SAMD12: variants seen among roughly 807,000 people sequenced by gnomAD.
SAMD12 encodes sterile alpha motif domain containing 12, also known as sterile alpha motif domain-containing protein 12.
SAMD12 carries 9 observed loss-of-function variants against 15.0 expected under a neutral mutation model. The observed-to-expected ratio is 0.60, with a 90% CI of 0.36 to 1.05. The LOEUF is 1.05. Among genes scored for constraint, SAMD12 ranks in the 50% least tolerant of loss-of-function variants. SAMD12 has a pLI of 0.01. For synonymous variants in SAMD12, 86 were observed against 90.1 expected (o/e 0.96, Z 0.25); for missense variants, 230 against 234.2 (o/e 0.98, Z 0.12).
chr8:118,300,063 A>C (rs1586469497), intron 4 of SAMD12, among the ~76,000 whole-genome samples: 1 of 151,874 alleles, frequency 6.6e-6, no homozygotes, highest in Non-Finnish European at 1.5e-5. Context: ...ATAACTGTAC[A>C]TATTTATGGG....
chr8:118,352,627 G>A (rs1818010025), intron 4 of SAMD12, among the ~76,000 whole-genome samples: 1 of 152,152 alleles, frequency 6.6e-6, no homozygotes. Context: ...AGTGGTTGGT[G>A]GGGATCTGAA....
the SAMD12 span, among the ~76,000 whole-genome samples, chr8:118,153,724 G>A: frequency 2.0e-5 from 3 of 152,200 alleles, no homozygotes; most frequent in African/African-American, 4.8e-5. Flanking sequence ...CATGGGTTGA[G>A]GATTACTCTA....
chr8:118,385,577 G>A (rs991809163), intron 3 of SAMD12, among the ~76,000 whole-genome samples: 1 of 152,114 alleles, frequency 6.6e-6, no homozygotes, highest in Non-Finnish European at 1.5e-5. Flanking sequence ...GTATATGTGT[G>A]TATACATATG....
the SAMD12 span, among the ~76,000 whole-genome samples, chr8:118,170,598 A>T: frequency 6.6e-6 from 1 of 152,204 alleles, no homozygotes; most frequent in Non-Finnish European, 1.5e-5. Flanking sequence ...TCTTTTCAAC[A>T]AATGGTGCTG....
intron 2 of SAMD12, among the ~76,000 whole-genome samples, chr8:118,443,894 C>T (rs1300705232): frequency 2.6e-5 from 4 of 152,184 alleles, no homozygotes; most frequent in South Asian, 2.1e-4. Flanking sequence ...TTCACTTCCA[C>T]GTACAATTAG....
rs1819533373 is a variant in SAMD12 at position 118,379,119 on chromosome 8, G to A, written c.*298C>T. On this transcript the variant is annotated 3_prime_UTR_variant, in exon 4 of 4. Coordinates refer to ENST00000314727, the MANE Select transcript of SAMD12 (RefSeq NM_207506.3). ...CAACAAAAACTCCACTTATATCACT[G>A]GTCATCGTAACTATTGAATCACTCA... The A allele has an allele frequency of 3.6e-6, 4 of 1,119,262 alleles. No individual in the cohort carries two copies. The highest frequency in any genetic ancestry group is 4.4e-6 in the Non-Finnish European group (4 of 912,764). 69.3% of individuals were successfully genotyped at this position (1,119,262 alleles called of 1,614,324 possible).
chr8:118,320,671 G>GT (rs1295580332), intron 4 of SAMD12, among the ~76,000 whole-genome samples: 5 of 133,784 alleles, frequency 3.7e-5, no homozygotes, highest in African/African-American at 9.2e-5. Context: ...CTGTCGTGGG[G>GT]TGGGGGGGGT....
intron 4 of SAMD12, among the ~76,000 whole-genome samples, chr8:118,343,197 C>T (rs1817460048): frequency 6.6e-6 from 1 of 152,044 alleles, no homozygotes; most frequent in African/African-American, 2.4e-5. Context: ...CCCCAGTTCT[C>T]CTCTACTCAG....
At chr8:118,447,368 T>C (rs962720740) in intron 2 of SAMD12, among the ~76,000 whole-genome samples, 2 of 152,074 alleles carry the variant, frequency 1.3e-5, no homozygotes, top group Middle Eastern at 3.2e-3. Flanking sequence ...AATGGCGCGA[T>C]TTCAGCTCAC....
At chr8:118,155,209 T>C in the SAMD12 span, among the ~76,000 whole-genome samples, 1 of 152,176 alleles carries the variant, frequency 6.6e-6, no homozygotes, top group Non-Finnish European at 1.5e-5. Flanking sequence ...TGTTTAATCT[T>C]TTTTCTTATT....
At chr8:118,540,242 T>A (rs1825952647) in intron 2 of SAMD12, among the ~76,000 whole-genome samples, 3 of 152,192 alleles carry the variant, frequency 2.0e-5, no homozygotes, top group Non-Finnish European at 4.4e-5. Flanking sequence ...TCCAAATTCT[T>A]CCAGGGTAGT....
At chr8:118,351,203 TAC>T (rs1817946874) in intron 4 of SAMD12, among the ~76,000 whole-genome samples, 1 of 152,212 alleles carries the variant, frequency 6.6e-6, no homozygotes, top group Non-Finnish European at 1.5e-5. Flanking sequence ...AGGCATCAAC[TAC>T]ACATTAATTA....
chr8:118,533,772 T>C (rs188015543), intron 2 of SAMD12, among the ~76,000 whole-genome samples: 32 of 152,296 alleles, frequency 2.1e-4, no homozygotes, highest in African/African-American at 7.2e-4. Context: ...CCCTTGCTTT[T>C]TTTTTTTGTT....
At position 118,445,119 on chromosome 8, in the gene SAMD12, T is replaced by G. The variant is rs1219498038; in HGVS notation, c.193-5158A>C. ...AGTCCTCTCTTTTATTAACTTTTAT[T>G]GTGTCATTTTACTCAAGATTACAGA... On this transcript the variant is annotated intron_variant, in intron 2 of 3. Coordinates refer to ENST00000314727, the MANE Select transcript of SAMD12 (RefSeq NM_207506.3). 3.9e-5 allele frequency among the ~76,000 whole-genome samples: 6 copies of G among 152,144 alleles called. No homozygotes were observed. The East Asian group carries it at 1.2e-3, about 29-fold the overall frequency.
intron 1 of SAMD12, among the ~76,000 whole-genome samples, chr8:118,605,815 T>C (rs1220779583): frequency 4.9e-4 from 40 of 81,266 alleles, no homozygotes; most frequent in African/African-American, 1.4e-3. Context: ...TATATATATA[T>C]ATATATATAT....
chr8:118,312,213 G>A (rs1815666161), intron 4 of SAMD12, among the ~76,000 whole-genome samples: 1 of 152,112 alleles, frequency 6.6e-6, no homozygotes, highest in African/African-American at 2.4e-5. Context: ...TTTAGCAATT[G>A]CTACTTTTAT....
chr8:118,461,353 A>T (rs1332078632), intron 2 of SAMD12, among the ~76,000 whole-genome samples: 4 of 152,228 alleles, frequency 2.6e-5, no homozygotes, highest in African/African-American at 7.2e-5. Context: ...CCAAGACAGA[A>T]CACATTATAC....
chr8:118,518,182 A>C (rs1049141901), intron 2 of SAMD12, among the ~76,000 whole-genome samples: 1 of 152,204 alleles, frequency 6.6e-6, no homozygotes, highest in African/African-American at 2.4e-5. Context: ...TCATATGCCT[A>C]CCACTGTAGA....
intron 2 of SAMD12, among the ~76,000 whole-genome samples, chr8:118,447,054 C>T (rs536851944): frequency 9.9e-5 from 15 of 152,262 alleles, no homozygotes; most frequent in African/African-American, 3.1e-4. Flanking sequence ...CTATGCTTCC[C>T]GCTGTGGAGG....
Sources: gnomAD v4.1 joint callset for allele counts (sites outside exome capture counted in the v4.1 genomes callset) on GRCh38, gnomAD v4.1.1 for gene constraint, MANE v1.5 for transcripts, NCBI Gene and HGNC (gene_info 2026-07-23, HGNC 2026-07-21) for gene names.